The following TET2 variants were observed in gnomAD, a reference collection of about 807,000 sequenced individuals.
TET2 encodes tet methylcytosine dioxygenase 2.
Under a neutral mutation model 142.9 loss-of-function variants are expected in TET2, and 299 were observed. That is an observed-to-expected ratio of 2.09 (90% CI 1.90 to 2.30). The LOEUF (loss-of-function observed/expected upper bound fraction) is 2.30, where lower values mean the gene tolerates loss of function less well. Among genes scored for constraint, TET2 ranks in the 30% most tolerant of loss-of-function variants. TET2 has a pLI of 0.00. For synonymous variants in TET2, 819 were observed against 849.0 expected (o/e 0.96, Z 0.61); for missense variants, 2,418 against 2,378.0 (o/e 1.02, Z -0.35).
chr4:105,247,924 G>T (rs1220715513), intron 6 of TET2, among the ~76,000 whole-genome samples: 3 of 151,992 alleles, frequency 2.0e-5, no homozygotes, highest in Non-Finnish European at 4.4e-5. Flanking sequence ...GTTTCGCCAT[G>T]TTGGCCAGGC....
At chr4:105,184,900 C>A (rs577477377) in intron 1 of TET2, among the ~76,000 whole-genome samples, 59 of 152,268 alleles carry the variant, frequency 3.9e-4, no homozygotes, top group African/African-American at 1.2e-3. Flanking sequence ...AGCATTTCAA[C>A]AGGAAGGAAA....
At chr4:105,210,194 C>T (rs537216141) in intron 2 of TET2, among the ~76,000 whole-genome samples, 22 of 152,100 alleles carry the variant, frequency 1.4e-4, no homozygotes, top group Non-Finnish European at 2.9e-4. Flanking sequence ...GATTGAAAAT[C>T]CAAATTGTGA....
intron 2 of TET2, among the ~76,000 whole-genome samples, chr4:105,231,922 G>C (rs766399238): frequency 3.9e-5 from 6 of 152,140 alleles, no homozygotes; most frequent in Admixed American, 6.5e-5. Context: ...ACAAGTGCAG[G>C]TTATATAGGT....
In TET2 at chr4:105,275,341, T is replaced by C. The variant is rs1731155487; in HGVS notation, c.4831T>C (p.Ser1611Pro). 1 of 1,551,712 alleles carries C rather than the reference T, an allele frequency of 6.4e-7. No individual in the cohort carries two copies. Among genetic ancestry groups the C allele is most frequent in the South Asian group, 1.2e-5 (1 of 84,066 alleles). Reference protein sequence around the residue: ...SSQAAGSYLNSSNPMNPYPGL... With the variant: ...SSQAAGSYLNPSNPMNPYPGL... ...TCAAGCTGCAGGTTCATATTTGAAT[T>C]CTTCTAATCCCATGAACCCTTACCC... The change falls in exon 11 of 11, where the codon TCT becomes CCT. Residue 1611 changes from serine (S) to proline (P), a missense_variant. Coordinates refer to ENST00000380013, the MANE Select transcript of TET2 (RefSeq NM_001127208.3).
chr4:105,224,684 G>GTC (rs34870510), intron 2 of TET2, among the ~76,000 whole-genome samples: 29,872 of 107,854 alleles, frequency 0.28, 5,447 homozygotes, highest in Non-Finnish European at 0.35. Context: ...ATATCAGCCA[G>GTC]TCTCTCTCTC....
chr4:105,162,839 C>G (rs1723927654), intron 1 of TET2, among the ~76,000 whole-genome samples: 1 of 152,058 alleles, frequency 6.6e-6, no homozygotes, highest in Non-Finnish European at 1.5e-5. Flanking sequence ...CATTAGGATT[C>G]TATTGAAGAG....
chr4:105,225,466 A>G (rs1034093482), intron 2 of TET2, among the ~76,000 whole-genome samples: 2 of 152,120 alleles, frequency 1.3e-5, no homozygotes, highest in African/African-American at 4.8e-5. Context: ...TGTTGTAGGT[A>G]GCTTTGATGA....
chr4:105,236,349 C>T lies in TET2; in HGVS notation c.2407C>T (p.Gln803Ter), dbSNP rs368508787. ...AAGCGAGTTCGAGACTCATAATGTC[C>T]AAATGGGACTGGAGGAAGTACAGAA... ...KSSEFETHNV[Q>*]MGLEEVQNIN... Residue 803 changes from glutamine (Q) to a stop codon, truncating the protein, a stop_gained, in exon 3 of 11, where the codon CAA becomes TAA. Transcript: ENST00000380013. LOFTEE classifies it high-confidence loss of function. 1.2e-6 allele frequency: 2 copies of T among 1,613,922 alleles called. No homozygotes were observed. Among genetic ancestry groups the T allele is most frequent in the Non-Finnish European group, 8.5e-7 (1 of 1,179,996 alleles).
At position 105,234,727 on chromosome 4, in the gene TET2, G is replaced by T; in HGVS notation, c.785G>T (p.Cys262Phe). ...INSQATNELSCEITHPSHTSG... is the reference protein window; with the variant it reads ...INSQATNELSFEITHPSHTSG... ...AGTCAGGCTACTAATGAGTTGTCCT[G>T]TGAGATCACTCACCCATCGCATACC... Residue 262 changes from cysteine (C) to phenylalanine (F), a missense_variant, in exon 3 of 11, where the codon TGT (cysteine) becomes TTT (phenylalanine). By Grantham distance (205) the Cys-to-Phe change is radical. Transcript: ENST00000380013. The T allele has an allele frequency of 6.2e-7, 1 of 1,614,002 alleles. No homozygotes were observed. The highest frequency in any genetic ancestry group is 8.5e-7 in the Non-Finnish European group (1 of 1,180,006).
At chr4:105,224,773 A>G (rs1728082818) in intron 2 of TET2, among the ~76,000 whole-genome samples, 2 of 146,384 alleles carry the variant, frequency 1.4e-5, no homozygotes, top group South Asian at 4.2e-4. Context: ...AGCTGAAATT[A>G]TTGAGTGGCC....
rs1731155263 is a variant in TET2 at position 105,275,334 on chromosome 4, T to G, written c.4824T>G (p.Tyr1608Ter). 6.4e-7 allele frequency: 1 copy of G among 1,551,878 alleles called. No homozygotes were observed. Residue 1608 changes from tyrosine to a stop codon, truncating the protein, a stop_gained, in exon 11 of 11, where the codon TAT becomes TAG. Coordinates refer to ENST00000380013, the MANE Select transcript of TET2 (RefSeq NM_001127208.3). LOFTEE classifies it low-confidence loss of function (END_TRUNC). ...CCTCATCTCAAGCTGCAGGTTCATA[T>G]TTGAATTCTTCTAATCCCATGAACC... ...YSTSSQAAGS[Y>*]LNSSNPMNPY...
At position 105,243,686 on chromosome 4, in the gene TET2, G is replaced by A. The variant is rs1475424900; in HGVS notation, c.3711G>A (p.Pro1237=). ...TCATCCTGGTGTGGGAAGGAATCCC[G>A]CTGTCTCTGGCTGACAAACTCTACT... The part of the protein sequence containing the change: ...VILILVWEGI[P]LSLADKLYSE... The change falls in exon 6 of 11, where the codon CCG becomes CCA. Residue 1237 remains proline (P), a synonymous_variant. Coordinates refer to ENST00000380013, the MANE Select transcript of TET2 (RefSeq NM_001127208.3). 1.2e-5 allele frequency: 18 copies of A among 1,551,542 alleles called. No homozygotes were observed. The East Asian group carries it at 2.0e-4, about 17-fold the overall frequency.
At chr4:105,232,433 C>T (rs1411414481) in intron 2 of TET2, among the ~76,000 whole-genome samples, 1 of 152,122 alleles carries the variant, frequency 6.6e-6, no homozygotes, top group Non-Finnish European at 1.5e-5. Context: ...CTGAAATTAC[C>T]GCACTGCTTT....
At chr4:105,167,059 T>C (rs796705323) in intron 1 of TET2, among the ~76,000 whole-genome samples, 26 of 152,222 alleles carry the variant, frequency 1.7e-4, no homozygotes, top group African/African-American at 6.3e-4. Context: ...ATGAAACTCA[T>C]GTTAATGGTG....
In TET2 at chr4:105,151,683, T is replaced by C. The variant is rs374865377; in HGVS notation, c.-193+4704T>C. On this transcript the variant is annotated intron_variant, in intron 1 of 10. Coordinates refer to ENST00000380013, the MANE Select transcript of TET2 (RefSeq NM_001127208.3). ...GATACCTGTCTCTATTCAATAAAAA[T>C]AAAAATAAAAATAATTCAGAACTCA... Among the ~76,000 whole-genome samples, 9 of 151,594 alleles carry C rather than the reference T, an allele frequency of 5.9e-5. No individual in the cohort carries two copies. In the East Asian group the frequency reaches 1.6e-3, roughly 26 times the overall value.
intron 9 of TET2, among the ~76,000 whole-genome samples, chr4:105,271,932 CAG>C (rs1355222033): frequency 6.6e-6 from 1 of 152,138 alleles, no homozygotes; most frequent in African/African-American, 2.4e-5. Context: ...TTAGGTTTGA[CAG>C]AGTACAAAGG....
At chr4:105,151,015 G>A (rs945906670) in intron 1 of TET2, among the ~76,000 whole-genome samples, 22 of 152,142 alleles carry the variant, frequency 1.4e-4, no homozygotes, top group African/African-American at 4.8e-4. Context: ...ATATTTGGTT[G>A]TCCATTCCAA....
chr4:105,224,290 G>A (rs1295092791), intron 2 of TET2, among the ~76,000 whole-genome samples: 1 of 152,108 alleles, frequency 6.6e-6, no homozygotes, highest in Non-Finnish European at 1.5e-5. Flanking sequence ...CAAATGGTAT[G>A]GAGCAAAATT....
Position 105,236,550 on chromosome 4 carries a change from A to G in TET2, c.2608A>G (p.Asn870Asp). The change falls in exon 3 of 11, where the codon AAT becomes GAT. Residue 870 changes from asparagine to aspartate, a missense_variant. Coordinates refer to ENST00000380013, the MANE Select transcript of TET2 (RefSeq NM_001127208.3). ...QNLHHMQYFP[N>D]NVIPKQDLLH... ...CTTGCATCACATGCAATATTTTCCA[A>G]ATAATGTGATCCCAAAGCAAGATCT... The G allele has an allele frequency of 6.2e-7, 1 of 1,614,104 alleles. No homozygotes were observed. The highest frequency in any genetic ancestry group is 8.5e-7 in the Non-Finnish European group (1 of 1,180,012).
Sources: gnomAD v4.1 joint callset for allele counts (sites outside exome capture counted in the v4.1 genomes callset) on GRCh38, gnomAD v4.1.1 for gene constraint, MANE v1.5 for transcripts, NCBI Gene and HGNC (gene_info 2026-07-23, HGNC 2026-07-21) for gene names.